EHBP1: variants seen among roughly 807,000 people sequenced by gnomAD.
The protein encoded by EHBP1 is EH domain binding protein 1, also known as EH domain-binding protein 1.
Under a neutral mutation model 144.0 loss-of-function variants are expected in EHBP1, and 55 were observed. The observed-to-expected ratio is 0.38, with a 90% CI of 0.31 to 0.48. The LOEUF (loss-of-function observed/expected upper bound fraction) is 0.48. Among genes scored for constraint, EHBP1 ranks in the 20% least tolerant of loss-of-function variants. The pLI is 0.98. For missense variants in EHBP1, 1,200 were observed against 1,364.2 expected, an observed-to-expected ratio of 0.88 and a Z score of 1.90; for synonymous variants, 469 against 472.7, an observed-to-expected ratio of 0.99 and a Z score of 0.10.
chr2:62,923,371 C>G (rs974228625), intron 10 of EHBP1, among the ~76,000 whole-genome samples: 1 of 152,200 alleles, frequency 6.6e-6, no homozygotes, highest in African/African-American at 2.4e-5. Context: ...GAGAGGCCCT[C>G]AAGCCTCTGA....
upstream of EHBP1, among the ~76,000 whole-genome samples, chr2:62,703,383 C>G (rs2034335828): frequency 6.6e-6 from 1 of 152,060 alleles, no homozygotes; most frequent in Non-Finnish European, 1.5e-5. Context: ...CAATAACTAT[C>G]AGCAAAGCAG....
intron 10 of EHBP1, among the ~76,000 whole-genome samples, chr2:62,880,141 A>C (rs926412105): frequency 6.6e-6 from 1 of 152,172 alleles, no homozygotes; most frequent in Non-Finnish European, 1.5e-5. Flanking sequence ...AAGTGGTGCC[A>C]GGTTAACTGG....
intron 3 of EHBP1, among the ~76,000 whole-genome samples, chr2:62,751,782 A>G (rs1395111571): frequency 1.3e-5 from 2 of 152,064 alleles, no homozygotes; most frequent in African/African-American, 4.8e-5. Context: ...AGAGGTGTTT[A>G]TAGTATTCTC....
rs111472724 is a variant in EHBP1 at position 62,859,150 on chromosome 2, C to T, written c.635-19C>T. ...ACACTTAACCATAATAGGGAACTAA[C>T]CCATATGTTTATTTTCAGAGCTTAT... On this transcript the variant is annotated intron_variant, in intron 7 of 22. Coordinates refer to ENST00000431489, the MANE Select transcript of EHBP1 (RefSeq NM_001142616.3). The T allele has an allele frequency of 4.4e-6, 7 of 1,602,062 alleles. No homozygotes were observed. Among genetic ancestry groups the T allele is most frequent in the Non-Finnish European group, 6.0e-6 (7 of 1,172,400 alleles).
chr2:62,900,684 G>A (rs10439489), intron 10 of EHBP1, among the ~76,000 whole-genome samples: 4,654 of 138,840 alleles, frequency 0.034, 364 homozygotes, highest in African/African-American at 0.13. Flanking sequence ...GTGTGTATGT[G>A]TATATATATA....
chr2:62,977,955 A>G (rs1178903355), intron 14 of EHBP1, among the ~76,000 whole-genome samples: 1 of 152,128 alleles, frequency 6.6e-6, no homozygotes, highest in Non-Finnish European at 1.5e-5. Context: ...AGCTCATTCC[A>G]AGAAAAAGAA....
intron 10 of EHBP1, among the ~76,000 whole-genome samples, chr2:62,930,719 CA>C (rs1278621313): frequency 6.6e-6 from 1 of 152,072 alleles, no homozygotes; most frequent in Non-Finnish European, 1.5e-5. Flanking sequence ...CAAACCTCTG[CA>C]TATAATAAGG....
chr2:62,769,465 C>G (rs1322644607), intron 4 of EHBP1, among the ~76,000 whole-genome samples: 1 of 151,980 alleles, frequency 6.6e-6, no homozygotes, highest in Non-Finnish European at 1.5e-5. Flanking sequence ...GGTGAAAGAT[C>G]TATATGATGA....
chr2:63,036,343 T>C, intron 19 of EHBP1, among the ~76,000 whole-genome samples: 1 of 152,136 alleles, frequency 6.6e-6, no homozygotes, highest in African/African-American at 2.4e-5. Flanking sequence ...TATATACACA[T>C]GTGTGATAGA....
intron 10 of EHBP1, among the ~76,000 whole-genome samples, chr2:62,939,642 A>C (rs181590037): frequency 3.3e-5 from 5 of 152,258 alleles, no homozygotes; most frequent in African/African-American, 7.2e-5. Context: ...TTAACCATGC[A>C]GATATCTGAG....
At chr2:62,747,028 T>A (rs916655186) in intron 2 of EHBP1, among the ~76,000 whole-genome samples, 4 of 152,068 alleles carry the variant, frequency 2.6e-5, no homozygotes, top group African/African-American at 9.7e-5. Context: ...AAGTGCCCTT[T>A]TTATGCTTGT....
At chr2:62,823,358 A>G (rs188743118) in intron 5 of EHBP1, among the ~76,000 whole-genome samples, 2 of 152,164 alleles carry the variant, frequency 1.3e-5, no homozygotes, top group South Asian at 2.1e-4. Flanking sequence ...TTCATTTTCT[A>G]CTAGCTCCTC....
At chr2:62,818,654 A>G (rs569654638) in intron 5 of EHBP1, among the ~76,000 whole-genome samples, 1 of 152,322 alleles carries the variant, frequency 6.6e-6, no homozygotes, top group African/African-American at 2.4e-5. Flanking sequence ...AATATACCCA[A>G]GGAAAGTGGG....
intron 19 of EHBP1, 27 bp downstream of exon 19, chr2:62,996,793 A>G (rs757222357): frequency 1.2e-6 from 2 of 1,602,022 alleles, no homozygotes; most frequent in East Asian, 2.2e-5. Flanking sequence ...CACTGTAAAC[A>G]GTTTTGGCAA....
At chr2:62,947,337 A>G (rs1268186856) in intron 12 of EHBP1, among the ~76,000 whole-genome samples, 1 of 152,226 alleles carries the variant, frequency 6.6e-6, no homozygotes, top group African/African-American at 2.4e-5. Context: ...ACAAGTAAGT[A>G]CAGAAGACTG....
chr2:63,008,268 G>GAT (rs935369744), intron 19 of EHBP1, among the ~76,000 whole-genome samples: 5 of 151,664 alleles, frequency 3.3e-5, no homozygotes, highest in African/African-American at 1.2e-4. Context: ...ACTAGCAAGT[G>GAT]ATATGGCAGA....
At chr2:62,832,586 T>A (rs2046905389) in intron 7 of EHBP1, among the ~76,000 whole-genome samples, 1 of 152,116 alleles carries the variant, frequency 6.6e-6, no homozygotes, top group South Asian at 2.1e-4. Flanking sequence ...TTGGTAACTT[T>A]TGCAATATTT....
chr2:62,893,156 G>A lies in EHBP1; in HGVS notation c.1185+18624G>A, dbSNP rs531262000. 7.2e-5 allele frequency among the ~76,000 whole-genome samples: 11 copies of A among 152,276 alleles called. No individual in the cohort carries two copies. In the South Asian group the frequency reaches 2.3e-3, roughly 32 times the overall value. ...CCTAAAATGTCAAGAAGAAGGCAAA[G>A]ATAAATGAACAATATATGGCTTGCC... On this transcript the variant is annotated intron_variant, in intron 10 of 22. Coordinates refer to ENST00000431489, the MANE Select transcript of EHBP1 (RefSeq NM_001142616.3).
chr2:62,957,680 A>G (rs1404021748), intron 14 of EHBP1, among the ~76,000 whole-genome samples: 1 of 106,964 alleles, frequency 9.3e-6, no homozygotes, highest in Non-Finnish European at 1.7e-5. Context: ...GAGTCTCGCC[A>G]TGTCACCCAG....
Sources: allele counts gnomAD v4.1 joint callset (sites outside exome capture counted in the v4.1 genomes callset), GRCh38; gene constraint gnomAD v4.1.1; transcripts MANE v1.5; gene names NCBI Gene and HGNC (gene_info 2026-07-23, HGNC 2026-07-21).